CCNT1: variants seen among roughly 807,000 people sequenced by gnomAD.
CCNT1 encodes cyclin T1, also known as cyclin-T1.
CCNT1 carries 18 observed loss-of-function variants against 67.3 expected under a neutral mutation model. The observed-to-expected ratio is 0.27, with a 90% confidence interval of 0.18 to 0.40. CCNT1 has a LOEUF of 0.40. CCNT1 is among the 10% of genes least tolerant of loss of function. CCNT1 has a pLI of 1.00. For synonymous variants in CCNT1, 333 were observed against 310.3 expected, an observed-to-expected ratio of 1.07 and a Z score of -0.77; for missense variants, 744 against 884.9, an observed-to-expected ratio of 0.84 and a Z score of 2.02.
chr12:48,696,899 C>T (rs1021794920), intron 6 of CCNT1, among the ~76,000 whole-genome samples: 10 of 152,150 alleles, frequency 6.6e-5, no homozygotes, highest in African/African-American at 2.2e-4. Context: ...GTGGGGCAAT[C>T]TCGGCTCACA....
intron 2 of CCNT1, among the ~76,000 whole-genome samples, chr12:48,711,560 A>G (rs572578308): frequency 3.3e-4 from 50 of 152,306 alleles, no homozygotes; most frequent in African/African-American, 1.1e-3. Context: ...GAAAACCTTC[A>G]GAACTGGCAA....
At chr12:48,704,675 G>A (rs972191518) in intron 3 of CCNT1, among the ~76,000 whole-genome samples, 6 of 152,132 alleles carry the variant, frequency 3.9e-5, no homozygotes, top group Non-Finnish European at 8.8e-5. Flanking sequence ...TGTGTGTGGT[G>A]GTGCACACCT....
At chr12:48,700,508 A>G (rs1381868768) in intron 4 of CCNT1, among the ~76,000 whole-genome samples, 2 of 152,112 alleles carry the variant, frequency 1.3e-5, no homozygotes, top group Non-Finnish European at 2.9e-5. Context: ...AGGAAAAAAA[A>G]AATCTGTATT....
At chr12:48,701,262 G>A (rs1219343192) in intron 3 of CCNT1, among the ~76,000 whole-genome samples, 189 bp from the exon 4 acceptor site, 1 of 83,170 alleles carries the variant, frequency 1.2e-5, no homozygotes, top group Non-Finnish European at 2.1e-5. Flanking sequence ...GTCTCCCTCT[G>A]TCACCCAGGC....
Position 48,693,404 on chromosome 12 carries a change from A to G in CCNT1, c.1810T>C (p.Phe604Leu). The change falls in exon 9 of 9, where the codon TTC becomes CTC. Residue 604 changes from phenylalanine (F) to leucine (L), a missense_variant. Coordinates refer to ENST00000261900, the MANE Select transcript of CCNT1 (RefSeq NM_001240.4). ...TGACCCATTGTAGGAAGTGAAGGGA[A>G]GGAGAAATTTAGGGAAGAGGATTTA... ...STKSSSLNFSFPSLPTMGQMP... is the reference protein window; with the variant it reads ...STKSSSLNFSLPSLPTMGQMP... The G allele has an allele frequency of 6.2e-7, 1 of 1,614,222 alleles. No homozygotes were observed. Among genetic ancestry groups the G allele is most frequent in the African/African-American group, 1.3e-5 (1 of 75,062 alleles).
chr12:48,689,138 C>A lies in CCNT1; in HGVS notation c.*3895G>T, dbSNP rs541890554. The A allele has an allele frequency of 6.6e-6, 1 of 152,316 alleles. No homozygotes were observed. The highest frequency in any genetic ancestry group is 1.9e-4 in the East Asian group (1 of 5,192). 9.4% of individuals were successfully genotyped at this position (152,316 alleles called of 1,614,324 possible). On this transcript the variant is annotated 3_prime_UTR_variant, in exon 9 of 9. Coordinates refer to ENST00000261900, the MANE Select transcript of CCNT1 (RefSeq NM_001240.4). ...CATGGCAACACAAAACCCAAGAGTC[C>A]TTCTCTTTTTTTCATTAGCCATGAA... is the stretch of plus-strand genomic sequence containing the variant.
intron 3 of CCNT1, among the ~76,000 whole-genome samples, chr12:48,703,041 C>G (rs1940296690): frequency 6.6e-6 from 1 of 151,148 alleles, no homozygotes; most frequent in South Asian, 2.1e-4. Context: ...TGATCACCTG[C>G]TCTTTATGAG....
intron 5 of CCNT1, among the ~76,000 whole-genome samples, chr12:48,698,685 C>A (rs1048894623): frequency 6.6e-6 from 1 of 152,144 alleles, no homozygotes; most frequent in Admixed American, 6.5e-5. Flanking sequence ...AGGCTGGGCA[C>A]GGTGGCTCAC....
intron 2 of CCNT1, among the ~76,000 whole-genome samples, chr12:48,709,499 A>G (rs560783026): frequency 1.4e-4 from 22 of 152,338 alleles, no homozygotes; most frequent in African/African-American, 5.3e-4. Context: ...ATGAAACATA[A>G]TGTACAATAT....
Position 48,705,839 on chromosome 12 carries a change from A to G in CCNT1, c.301T>C (p.Leu101=), listed in dbSNP as rs769541365. 1 of 1,613,782 alleles carries G rather than the reference A, an allele frequency of 6.2e-7. No homozygotes were observed. Among genetic ancestry groups the G allele is most frequent in the East Asian group, 2.2e-5 (1 of 44,876 alleles). Reference sequence around the variant, plus strand: ...TGTGCTACCTTGATGACATGTTCCAATTTTTTGGGCTGCTCCTCCACTTTA... The same window carrying G: ...TGTGCTACCTTGATGACATGTTCCAGTTTTTTGGGCTGCTCCTCCACTTTA... The part of the protein sequence containing the change: ...AAKVEEQPKK[L]EHVIKVAHTC... The change falls in exon 3 of 9, where the codon TTG becomes CTG. Residue 101 remains leucine, a synonymous_variant. Coordinates refer to ENST00000261900, the MANE Select transcript of CCNT1 (RefSeq NM_001240.4).
rs541405700 is a variant in CCNT1 at position 48,711,612 on chromosome 12, C to T, written c.243+2831G>A. Among the ~76,000 whole-genome samples, 7 of 152,186 alleles carry T rather than the reference C, an allele frequency of 4.6e-5. No individual in the cohort carries two copies. The East Asian group carries it at 9.7e-4, about 21-fold the overall frequency. ...CTCTTCAAATTTCACTTTTTAACTA[C>T]TCACTACCTTCTATTCTGGTGCTAT... On this transcript the variant is annotated intron_variant, in intron 2 of 8. Transcript: ENST00000261900.
At position 48,693,805 on chromosome 12, in the gene CCNT1, T is replaced by C. The variant is rs765093934; in HGVS notation, c.1409A>G (p.Asp470Gly). The change falls in exon 9 of 9, where the codon GAT becomes GGT. Residue 470 changes from aspartate to glycine, a missense_variant. Physicochemically the swap from Asp to Gly is moderately conservative, Grantham distance 94. This residue lies in a region of CCNT1 where 564 missense variants were observed against 574.2 expected (regional missense o/e 0.98). Coordinates refer to ENST00000261900, the MANE Select transcript of CCNT1 (RefSeq NM_001240.4). Reference protein sequence around the residue: ...LKMRIPVAGGDKAASSKPEEI... With the variant: ...LKMRIPVAGGGKAASSKPEEI... The stretch of plus-strand genomic sequence containing the variant: ...CTCTGGTTTTGAAGACGCAGCTTTA[T>C]CTCCACCTGCCACTGGGATTCTCAT... The C allele has an allele frequency of 1.4e-5, 23 of 1,613,914 alleles. No homozygotes were observed. Among genetic ancestry groups the C allele is most frequent in the Admixed American group, 1.3e-4 (8 of 59,990 alleles).
rs763684412 is a variant in CCNT1, at chr12:48,705,723, A to AAAGGAAAAAAATT, written c.372+32_372+44dup. On this transcript the variant is annotated intron_variant, in intron 3 of 8. Coordinates refer to ENST00000261900, the MANE Select transcript of CCNT1 (RefSeq NM_001240.4). The stretch of plus-strand genomic sequence containing the variant: ...TGCTTGGGAGTAGGGAAAAAAAAAG[A>AAAGGAAAAAAATT]AAGGAAAAAAATTAAGAAAAACAGA... 71 of 1,541,186 alleles carry AAAGGAAAAAAATT rather than the reference A, an allele frequency of 4.6e-5. 1 individual carries two copies. The Admixed American group carries it at 1.4e-3, about 30-fold the overall frequency.
At chr12:48,711,521 C>A (rs11168694) in intron 2 of CCNT1, among the ~76,000 whole-genome samples, 2 of 151,948 alleles carry the variant, frequency 1.3e-5, no homozygotes, top group Non-Finnish European at 2.9e-5. Context: ...AATTTCAAGT[C>A]TTTATCATAA....
chr12:48,713,599 C>T (rs1940489537), intron 2 of CCNT1, among the ~76,000 whole-genome samples: 1 of 152,134 alleles, frequency 6.6e-6, no homozygotes, highest in African/African-American at 2.4e-5. Context: ...GGCTGGACAA[C>T]ACAGGGAGAC....
intron 3 of CCNT1, among the ~76,000 whole-genome samples, chr12:48,705,281 T>G (rs925022176): frequency 6.6e-6 from 1 of 150,836 alleles, no homozygotes; most frequent in African/African-American, 2.4e-5. Context: ...CCAGTTGTTT[T>G]TTGTTGTTGT....
At position 48,693,412 on chromosome 12, in the gene CCNT1, T is replaced by C; in HGVS notation, c.1802A>G (p.Asn601Ser). Residue 601 changes from asparagine to serine, a missense_variant, in exon 9 of 9, where the codon AAT becomes AGT. Transcript: ENST00000261900. Reference sequence around the variant, plus strand: ...TGTAGGAAGTGAAGGGAAGGAGAAATTTAGGGAAGAGGATTTAGTACTCTT... The same window carrying C: ...TGTAGGAAGTGAAGGGAAGGAGAAACTTAGGGAAGAGGATTTAGTACTCTT... ...IAKSTKSSSL[N>S]FSFPSLPTMG... 6.2e-7 allele frequency: 1 copy of C among 1,614,078 alleles called. No homozygotes were observed. The highest frequency in any genetic ancestry group is 8.5e-7 in the Non-Finnish European group (1 of 1,180,016).
At chr12:48,699,419 T>C (rs770912032) in intron 5 of CCNT1, among the ~76,000 whole-genome samples, 3 of 152,208 alleles carry the variant, frequency 2.0e-5, no homozygotes, top group African/African-American at 7.2e-5. Context: ...TTGTATATCA[T>C]GGAAAGTCCA....
chr12:48,700,458 T>C (rs895695782), intron 4 of CCNT1, among the ~76,000 whole-genome samples: 8 of 152,000 alleles, frequency 5.3e-5, no homozygotes, highest in Non-Finnish European at 1.2e-4. Flanking sequence ...CATGAAATCT[T>C]ACCCTACCTA....
Sources: allele counts gnomAD v4.1 joint callset (sites outside exome capture counted in the v4.1 genomes callset), GRCh38; gene constraint gnomAD v4.1.1; regional missense constraint gnomAD v4.1.1; transcripts MANE v1.5; gene names NCBI Gene and HGNC (gene_info 2026-07-23, HGNC 2026-07-21).